The following NINJ2 variants were observed in gnomAD, a reference collection of about 807,000 sequenced individuals.
NINJ2 encodes ninjurin 2.
NINJ2 carries 12 observed loss-of-function variants against 11.7 expected under a neutral mutation model. The ratio of observed to expected loss-of-function variants is 1.02; its 90% CI spans 0.66 to 1.66. The LOEUF is 1.66. NINJ2 is among the 40% of genes most tolerant of loss of function. NINJ2 has a pLI of 0.00. For missense variants in NINJ2, 187 were observed against 181.8 expected (o/e 1.03, Z -0.16); for synonymous variants, 93 against 76.8 (o/e 1.21, Z -1.10).
At chr12:622,335 G>A (rs1158418860) in intron 1 of NINJ2, among the ~76,000 whole-genome samples, 4 of 147,432 alleles carry the variant, frequency 2.7e-5, no homozygotes, top group Non-Finnish European at 5.9e-5. Context: ...GCATGAACCC[G>A]GGAAGCGGAG....
intron 1 of NINJ2, among the ~76,000 whole-genome samples, chr12:635,326 C>CT (rs1948337311): frequency 6.6e-6 from 1 of 151,896 alleles, no homozygotes; most frequent in Non-Finnish European, 1.5e-5. Flanking sequence ...GCTAGGATTA[C>CT]AGGCATGAGC....
At position 565,989 on chromosome 12, in the gene NINJ2, G is replaced by C. The variant is rs1947294085; in HGVS notation, c.223C>G (p.Leu75Val). The change falls in exon 2 of 4, where the codon CTC becomes GTC. Residue 75 changes from leucine (L) to valine (V), a missense_variant. Transcript: ENST00000305108. ...TLVTLISLSL[L>V]LQVVIGVLLV... The stretch of plus-strand genomic sequence containing the variant: ...AGGACACCGATGACCACCTGCAGGA[G>C]CAGAGAGAGGCTGATGAGGGTGACC... 2 of 1,614,240 alleles carry C rather than the reference G, an allele frequency of 1.2e-6. No individual in the cohort carries two copies. Among genetic ancestry groups the C allele is most frequent in the East Asian group, 4.5e-5 (2 of 44,886 alleles).
Position 585,042 on chromosome 12 carries a change from C to A in NINJ2, c.34-18864G>T, listed in dbSNP as rs565494996. 2.0e-5 allele frequency among the ~76,000 whole-genome samples: 3 copies of A among 152,148 alleles called. No individual in the cohort carries two copies. Among genetic ancestry groups the A allele is most frequent in the African/African-American group, 7.2e-5 (3 of 41,434 alleles). On this transcript the variant is annotated intron_variant, in intron 1 of 3. Transcript: ENST00000305108. The surrounding 1 kb of genome is among the most constrained non-coding windows in gnomAD (Gnocchi z 4.1). Reference sequence around the variant, plus strand: ...GCTGAGGCAGGAGAATCACTTGAACCGGGGAGGCGGAGGTTGAAGTGGGCT... The same window carrying A: ...GCTGAGGCAGGAGAATCACTTGAACAGGGGAGGCGGAGGTTGAAGTGGGCT...
intron 1 of NINJ2, among the ~76,000 whole-genome samples, chr12:641,792 C>G (rs995536623): frequency 8.4e-5 from 11 of 131,670 alleles, no homozygotes; most frequent in African/African-American, 3.0e-4. Context: ...TTGCAGTGAG[C>G]CGAGATGGCG....
At position 609,789 on chromosome 12, in the gene NINJ2, A is replaced by AAAAAAAAAAAAAAAAG. The variant is rs71439346; in HGVS notation, c.34-43612_34-43611insCTTTTTTTTTTTTTTT. ...CTGCCTCAAAAAAAAAAAAAAAAAT[A>AAAAAAAAAAAAAAAAG]GGGAAAACAACAACAGCAGCAATAG... On this transcript the variant is annotated intron_variant, in intron 1 of 3. Transcript: ENST00000305108. 3.3e-3 allele frequency among the ~76,000 whole-genome samples: 387 copies of AAAAAAAAAAAAAAAAG among 116,512 alleles called. 25 individuals carry two copies. Among genetic ancestry groups the AAAAAAAAAAAAAAAAG allele is most frequent in the Non-Finnish European group, 5.3e-3 (290 of 54,392 alleles). The allele number at this position is 116,512 out of a possible 152,430, so 76.4% of individuals were successfully genotyped here.
At chr12:593,266 A>G (rs1947738520) in intron 1 of NINJ2, among the ~76,000 whole-genome samples, 1 of 152,214 alleles carries the variant, frequency 6.6e-6, no homozygotes, top group African/African-American at 2.4e-5. Context: ...AAAGAATAAG[A>G]AGGCAAGAAT....
In NINJ2 at chr12:565,279, T is replaced by C; in HGVS notation, c.385A>G (p.Lys129Glu). 6.2e-7 allele frequency: 1 copy of C among 1,614,156 alleles called. No homozygotes were observed. The change falls in exon 3 of 4, where the codon AAA (lysine) becomes GAA (glutamate). Residue 129 changes from lysine (K) to glutamate (E), a missense_variant. Physicochemically the swap from Lys to Glu is moderately conservative, Grantham distance 56 (BLOSUM62 1). Coordinates refer to ENST00000305108, the MANE Select transcript of NINJ2 (RefSeq NM_016533.6). The part of the protein sequence containing the change: ...NVFITAFGAH[K>E]TGFLAARASR... ...GCCCTGGCAGCCAGGAACCCTGTTT[T>C]ATGTGCCCCGAAGGCTGTAATGAAA...
At chr12:610,462 GAGAGGAAA>G in intron 1 of NINJ2, 1 of 1,534,826 alleles carries the variant, frequency 6.5e-7, no homozygotes, top group Non-Finnish European at 8.7e-7. Flanking sequence ...CCTGGTGGCT[GAGAGGAAA>G]AGGGTCAGCG....
At chr12:565,582 C>T in intron 2 of NINJ2, 181 bp from the exon 3 acceptor site, 1 of 648,952 alleles carries the variant, frequency 1.5e-6, no homozygotes, top group South Asian at 1.9e-5. Flanking sequence ...TACAATGGGG[C>T]ACCCTAGTGT....
chr12:579,484 C>G (rs964551119), intron 1 of NINJ2, among the ~76,000 whole-genome samples: 8 of 143,744 alleles, frequency 5.6e-5, no homozygotes, highest in Admixed American at 1.4e-4. Flanking sequence ...TGGAGTCACA[C>G]AAAACAAAAC....
At chr12:603,814 T>C (rs4980839) in intron 1 of NINJ2, among the ~76,000 whole-genome samples, 89,712 of 151,806 alleles carry the variant, frequency 0.59, 27,202 homozygotes, top group Middle Eastern at 0.77. Context: ...GCACGCACCA[T>C]CACACCTGGC....
intron 2 of NINJ2, 61 bp from the exon 3 acceptor site, chr12:565,462 C>G (rs1269467806): frequency 6.6e-7 from 1 of 1,520,694 alleles, no homozygotes; most frequent in Admixed American, 1.8e-5. Flanking sequence ...GGAGCTGCCC[C>G]CACAACACCC....
chr12:582,431 GTGAA>G (rs1411050837), intron 1 of NINJ2, among the ~76,000 whole-genome samples: 1 of 126,428 alleles, frequency 7.9e-6, no homozygotes, highest in Non-Finnish European at 1.6e-5. Context: ...GCATGCTAGA[GTGAA>G]TGAATGAATG....
chr12:618,028 T>G (rs938037649), intron 1 of NINJ2, among the ~76,000 whole-genome samples: 1 of 151,848 alleles, frequency 6.6e-6, no homozygotes, highest in Non-Finnish European at 1.5e-5. Flanking sequence ...GATTCTGATT[T>G]ACGGATTTAA....
chr12:568,810 C>T lies in NINJ2; in HGVS notation c.34-2632G>A, dbSNP rs1947337055. ...TTTCTCTGGGAGAGTAGAATGGAGACCAGCGGGTAGCATTCATTCAATAGA... is the reference window on the plus strand; with the variant it reads ...TTTCTCTGGGAGAGTAGAATGGAGATCAGCGGGTAGCATTCATTCAATAGA... On this transcript the variant is annotated intron_variant, in intron 1 of 3. Transcript: ENST00000305108. Among the ~76,000 whole-genome samples the T allele has an allele frequency of 2.0e-5, 3 of 152,012 alleles. No homozygotes were observed. In the South Asian group the frequency reaches 6.2e-4, roughly 31 times the overall value.
At chr12:576,719 C>G (rs1947466904) in intron 1 of NINJ2, among the ~76,000 whole-genome samples, 1 of 152,226 alleles carries the variant, frequency 6.6e-6, no homozygotes, top group African/African-American at 2.4e-5. Flanking sequence ...TTGCCAGTGG[C>G]TTTCAGAAAA....
intron 1 of NINJ2, chr12:642,677 G>A (rs1948434550): frequency 6.6e-6 from 1 of 152,586 alleles, no homozygotes. Flanking sequence ...CGGGCTGGGA[G>A]TGGGGGATCC....
intron 1 of NINJ2, among the ~76,000 whole-genome samples, chr12:612,615 C>T (rs1413259333): frequency 6.6e-6 from 1 of 152,188 alleles, no homozygotes; most frequent in Non-Finnish European, 1.5e-5. Context: ...GTTGGTAGGG[C>T]TCGAGGTTCT....
At chr12:604,757 C>G (rs540648187) in intron 1 of NINJ2, among the ~76,000 whole-genome samples, 4 of 152,268 alleles carry the variant, frequency 2.6e-5, no homozygotes, top group Admixed American at 2.0e-4. Flanking sequence ...GAGGTAGGGA[C>G]GAGGTACAGA....
Sources: allele counts gnomAD v4.1 joint callset (sites outside exome capture counted in the v4.1 genomes callset), GRCh38; gene constraint gnomAD v4.1.1; non-coding constraint Gnocchi (gnomAD v3.1); transcripts MANE v1.5; gene names NCBI Gene and HGNC (gene_info 2026-07-23, HGNC 2026-07-21).